The following NCKAP5 variants were observed in gnomAD, a reference collection of about 807,000 sequenced individuals.
The protein encoded by NCKAP5 is NCK associated protein 5.
A neutral mutation model predicts 167.0 loss-of-function variants in NCKAP5; 92 were observed. That is an observed-to-expected ratio of 0.55 (90% CI 0.47 to 0.66). NCKAP5 has a LOEUF of 0.66. Ranked by LOEUF, NCKAP5 falls within the 30% of genes least tolerant of loss-of-function variation. The probability of loss-of-function intolerance (pLI) is 0.00; values close to 1 mark genes in which losing one functional copy is unlikely to be tolerated. For synonymous variants in NCKAP5, 891 were observed against 877.4 expected, an observed-to-expected ratio of 1.02 and a Z score of -0.27; for missense variants, 2,378 against 2,315.0, an observed-to-expected ratio of 1.03 and a Z score of -0.56.
At chr2:133,017,379 A>G (rs867409794) in intron 6 of NCKAP5, among the ~76,000 whole-genome samples, 13 of 152,348 alleles carry the variant, frequency 8.5e-5, no homozygotes, top group African/African-American at 3.1e-4. Context: ...GTTTAGAAGT[A>G]TAATATACCT....
intron 3 of NCKAP5, among the ~76,000 whole-genome samples, chr2:133,411,398 A>C (rs2151059321): frequency 1.3e-5 from 2 of 152,314 alleles, no homozygotes; most frequent in Middle Eastern, 3.4e-3. Context: ...TGTGCCACTA[A>C]GAAAGGTGAG....
At chr2:132,843,238 C>A (rs1305882628) in intron 11 of NCKAP5, among the ~76,000 whole-genome samples, 9 of 152,018 alleles carry the variant, frequency 5.9e-5, no homozygotes, top group Admixed American at 5.9e-4. Flanking sequence ...TTCTTTATAT[C>A]TTTACGTTCC....
At chr2:133,237,175 A>G (rs1227315301) in intron 4 of NCKAP5, among the ~76,000 whole-genome samples, 2 of 152,164 alleles carry the variant, frequency 1.3e-5, no homozygotes, top group Non-Finnish European at 2.9e-5. Context: ...TTATTTTAAA[A>G]AAAAGCTGTA....
intron 7 of NCKAP5, among the ~76,000 whole-genome samples, chr2:132,987,096 G>A (rs1214350980): frequency 6.6e-6 from 1 of 152,188 alleles, no homozygotes; most frequent in East Asian, 1.9e-4. Flanking sequence ...TTTGCCAGCA[G>A]TTGTGGTTCT....
intron 3 of NCKAP5, among the ~76,000 whole-genome samples, chr2:133,365,142 C>A (rs1192710037): frequency 6.6e-6 from 1 of 151,036 alleles, no homozygotes; most frequent in Non-Finnish European, 1.5e-5. Flanking sequence ...ATACACAAAA[C>A]CTCATGAGAG....
intron 8 of NCKAP5, among the ~76,000 whole-genome samples, chr2:132,882,733 A>G (rs1029030028): frequency 4.6e-5 from 7 of 152,188 alleles, no homozygotes; most frequent in Admixed American, 1.3e-4. Flanking sequence ...GTTTTTTAGA[A>G]TACATAAAAC....
chr2:133,597,084 A>G, the NCKAP5 span, among the ~76,000 whole-genome samples: 1 of 152,234 alleles, frequency 6.6e-6, no homozygotes, highest in Admixed American at 6.5e-5. Flanking sequence ...TCAAATTGCC[A>G]GTGGCATACT....
intron 2 of NCKAP5, among the ~76,000 whole-genome samples, chr2:133,530,079 T>C (rs1443180690): frequency 2.0e-5 from 3 of 152,354 alleles, no homozygotes; most frequent in Middle Eastern, 3.4e-3. Context: ...AATATTTTTA[T>C]GGTACCATCT....
At chr2:133,311,795 C>A (rs1681251107) in intron 3 of NCKAP5, among the ~76,000 whole-genome samples, 2 of 152,018 alleles carry the variant, frequency 1.3e-5, no homozygotes, top group Non-Finnish European at 1.5e-5. Context: ...ATCCTAGTAC[C>A]CTATCTACAA....
intron 16 of NCKAP5, among the ~76,000 whole-genome samples, chr2:132,771,839 A>ATTTTT (rs70973406): frequency 6.0e-4 from 60 of 100,732 alleles, no homozygotes; most frequent in East Asian, 1.9e-3. Context: ...CGCCCGGCTA[A>ATTTTT]TTTTTTTTTT....
chr2:132,748,665 AT>A (rs1421415654), intron 16 of NCKAP5, among the ~76,000 whole-genome samples: 1 of 152,178 alleles, frequency 6.6e-6, no homozygotes, highest in African/African-American at 2.4e-5. Context: ...TTTCAAAGAA[AT>A]TCCATTATGT....
intron 4 of NCKAP5, among the ~76,000 whole-genome samples, chr2:133,288,087 T>G (rs898743808): frequency 3.9e-5 from 6 of 152,214 alleles, no homozygotes; most frequent in African/African-American, 1.4e-4. Context: ...GCTAGAATTC[T>G]CAAGTGGCAA....
intron 3 of NCKAP5, among the ~76,000 whole-genome samples, chr2:133,369,737 T>C (rs554759332): frequency 2.6e-5 from 4 of 152,396 alleles, no homozygotes; most frequent in Non-Finnish European, 2.9e-5. Flanking sequence ...CATGATTTTA[T>C]ATGGCTTAAA....
chr2:132,806,719 C>A (rs1685469203), intron 11 of NCKAP5, among the ~76,000 whole-genome samples: 2 of 152,126 alleles, frequency 1.3e-5, no homozygotes, highest in Admixed American at 1.3e-4. Flanking sequence ...ACTCTGTGGG[C>A]TGTCTGTTTA....
chr2:132,913,253 G>C (rs1243773667), intron 8 of NCKAP5, among the ~76,000 whole-genome samples: 1 of 152,020 alleles, frequency 6.6e-6, no homozygotes, highest in Non-Finnish European at 1.5e-5. Context: ...TGCACATCTA[G>C]CTTGCAAATA....
chr2:133,628,935 T>A, the NCKAP5 span, among the ~76,000 whole-genome samples: 1 of 152,194 alleles, frequency 6.6e-6, no homozygotes, highest in Non-Finnish European at 1.5e-5. Flanking sequence ...GGTAGCCATA[T>A]TCGGAAGATT....
chr2:133,036,241 T>C (rs1452650227), intron 6 of NCKAP5, among the ~76,000 whole-genome samples: 1 of 151,932 alleles, frequency 6.6e-6, no homozygotes, highest in African/African-American at 2.4e-5. Context: ...ATCTACCAAA[T>C]ATTTAGTGAA....
At chr2:132,873,061 A>T (rs1334376044) in intron 9 of NCKAP5, among the ~76,000 whole-genome samples, 1 of 152,184 alleles carries the variant, frequency 6.6e-6, no homozygotes, top group East Asian at 1.9e-4. Flanking sequence ...ACTTCGGAAA[A>T]TATAATGCAT....
At chr2:133,564,603 G>A (rs554512117) in intron 1 of NCKAP5, among the ~76,000 whole-genome samples, 1 of 152,304 alleles carries the variant, frequency 6.6e-6, no homozygotes, top group Admixed American at 6.5e-5. Context: ...ATACCATGGG[G>A]TGTGACTGTT....
Sources: gnomAD v4.1 joint callset for allele counts (sites outside exome capture counted in the v4.1 genomes callset) on GRCh38, gnomAD v4.1.1 for gene constraint, MANE v1.5 for transcripts, NCBI Gene and HGNC (gene_info 2026-07-23, HGNC 2026-07-21) for gene names.